The following CSE1L variants were observed in gnomAD, a reference collection of about 807,000 sequenced individuals.
CSE1L encodes exportin-2.
CSE1L carries 24 observed loss-of-function variants against 120.4 expected under a neutral mutation model. That is an observed-to-expected ratio of 0.20 (90% CI 0.14 to 0.28). The LOEUF (loss-of-function observed/expected upper bound fraction) is 0.28, where lower values mean the gene tolerates loss of function less well. Among genes scored for constraint, CSE1L ranks in the 10% least tolerant of loss-of-function variants. The pLI, the probability that CSE1L is intolerant of heterozygous loss-of-function variation, is 1.00. For missense variants in CSE1L, 830 were observed against 1,145.2 expected, an observed-to-expected ratio of 0.72 and a Z score of 3.97; for synonymous variants, 402 against 398.3, an observed-to-expected ratio of 1.01 and a Z score of -0.11.
In CSE1L at chr20:49,058,475, C is replaced by G; in HGVS notation, c.12C>G (p.Ser4Arg). Residue 4 changes from serine (S) to arginine (R), a missense_variant, in exon 2 of 25, where the codon AGC (serine) becomes AGG (arginine). Ser to Arg is a moderately radical substitution (Grantham distance 110, BLOSUM62 -1). Coordinates refer to ENST00000262982, the MANE Select transcript of CSE1L (RefSeq NM_001316.4). ...TAGATCCTATAGCAATGGAACTCAG[C>G]GATGCAAATCTGCAAACACTAACAG... The part of the protein sequence containing the change: MEL[S>R]DANLQTLTEY... The G allele has an allele frequency of 6.2e-7, 1 of 1,612,486 alleles. No individual in the cohort carries two copies. The highest frequency in any genetic ancestry group is 1.3e-5 in the African/African-American group (1 of 74,978).
intron 22 of CSE1L, among the ~76,000 whole-genome samples, chr20:49,092,927 A>C (rs1282619210): frequency 6.6e-6 from 1 of 152,234 alleles, no homozygotes; most frequent in Non-Finnish European, 1.5e-5. Flanking sequence ...AGAATTTTTC[A>C]AATGAGAAAT....
intron 1 of CSE1L, among the ~76,000 whole-genome samples, chr20:49,048,562 G>C (rs1038846720): frequency 3.9e-5 from 6 of 152,148 alleles, no homozygotes; most frequent in African/African-American, 7.2e-5. Flanking sequence ...GCCATTAAAA[G>C]GTGAGGGGCA....
Position 49,072,420 on chromosome 20 carries a change from A to G in CSE1L, c.903A>G (p.Leu301=), listed in dbSNP as rs61748374. 7.5e-3 allele frequency: 12,168 copies of G among 1,614,214 alleles called. 63 individuals carry two copies. The highest frequency in any genetic ancestry group is 7.9e-3 in the Non-Finnish European group (9,280 of 1,180,038). The change falls in exon 9 of 25, where the codon CTA becomes CTG. Residue 301 remains leucine (L), a synonymous_variant. Transcript: ENST00000262982. ...TTGTTACAGCCATCTGGAATTTACTAGTTACAACGGGTCAAGAGGTTAAAT... is the reference window on the plus strand; with the variant it reads ...TTGTTACAGCCATCTGGAATTTACTGGTTACAACGGGTCAAGAGGTTAAAT... The part of the protein sequence containing the change: ...PRFVTAIWNL[L]VTTGQEVKYD...
At chr20:49,090,118 C>T (rs907960691) in intron 19 of CSE1L, among the ~76,000 whole-genome samples, 4 of 151,772 alleles carry the variant, frequency 2.6e-5, no homozygotes, top group Admixed American at 2.0e-4. Flanking sequence ...GAGCTAGACC[C>T]TGTCTCTTAA....
At chr20:49,057,454 CTT>C (rs535693108) in intron 1 of CSE1L, among the ~76,000 whole-genome samples, 35 of 112,714 alleles carry the variant, frequency 3.1e-4, no homozygotes, top group Admixed American at 5.6e-4. Context: ...GTTGTGGGGC[CTT>C]TTTTTTTTTT....
chr20:49,068,788 T>A lies in CSE1L; in HGVS notation c.641T>A (p.Leu214Gln), dbSNP rs770880230. 11 of 1,612,970 alleles carry A rather than the reference T, an allele frequency of 6.8e-6. No homozygotes were observed. The South Asian group carries it at 1.2e-4, about 18-fold the overall frequency. ...ALRILFSSLI[L>Q]ISKLFYSLNF... ...AGGATTCTGTTTTCTTCCCTGATCC[T>A]GATCTCAAAATTGTTCTATAGTTTA... Residue 214 changes from leucine (L) to glutamine (Q), a missense_variant, in exon 7 of 25, where the codon CTG becomes CAG. Leu to Gln is a moderately radical substitution (Grantham distance 113, BLOSUM62 -2). Coordinates refer to ENST00000262982, the MANE Select transcript of CSE1L (RefSeq NM_001316.4).
At chr20:49,089,443 A>G in intron 18 of CSE1L, 46 bp downstream of exon 18, 1 of 1,606,550 alleles carries the variant, frequency 6.2e-7, no homozygotes, top group African/African-American at 1.3e-5. Flanking sequence ...TAAAATTAAC[A>G]TGGCTATAAA....
intron 3 of CSE1L, 27 bp from the exon 4 acceptor site, chr20:49,066,165 C>T: frequency 2.5e-6 from 4 of 1,581,570 alleles, no homozygotes; most frequent in South Asian, 1.1e-5. Context: ...TTTTGTGTTA[C>T]TTCCTCAGTT....
At chr20:49,090,264 GAACTT>G (rs2092090644) in intron 19 of CSE1L, among the ~76,000 whole-genome samples, 1 of 152,252 alleles carries the variant, frequency 6.6e-6, no homozygotes, top group Admixed American at 6.5e-5. Context: ...TTGATTTTAA[GAACTT>G]AACTTTGGTC....
At chr20:49,046,513 A>T (rs1448247039) in intron 1 of CSE1L, 90 bp downstream of exon 1, 1 of 152,394 alleles carries the variant, frequency 6.6e-6, no homozygotes, top group Non-Finnish European at 1.5e-5. Flanking sequence ...AACGAGCGCT[A>T]GGGAGTGAGA....
chr20:49,072,400 A>G lies in CSE1L; in HGVS notation c.883A>G (p.Thr295Ala). ...CCAGCGATACCTGCCTCGTTTTGTT[A>G]CAGCCATCTGGAATTTACTAGTTAC... ...EFQRYLPRFV[T>A]AIWNLLVTTG... The change falls in exon 9 of 25, where the codon ACA becomes GCA. Residue 295 changes from threonine (T) to alanine (A), a missense_variant. This residue lies in a region of CSE1L where 543 missense variants were observed against 640.2 expected (regional missense o/e 0.85). Coordinates refer to ENST00000262982, the MANE Select transcript of CSE1L (RefSeq NM_001316.4). The G allele has an allele frequency of 3.1e-6, 5 of 1,614,222 alleles. No homozygotes were observed. In the South Asian group the frequency reaches 4.4e-5, roughly 14 times the overall value.
rs963788829 is a variant in CSE1L, at chr20:49,084,032, A to G, written c.1489A>G (p.Lys497Glu). The change falls in exon 15 of 25, where the codon AAA (lysine) becomes GAA (glutamate). Residue 497 changes from lysine (K) to glutamate (E), a missense_variant. Coordinates refer to ENST00000262982, the MANE Select transcript of CSE1L (RefSeq NM_001316.4). Reference protein sequence around the residue: ...YIMIFRNQVPKEHLLVSIPLL... With the variant: ...YIMIFRNQVPEEHLLVSIPLL... ...ATATTATTGTGTTTTTTAGGTGCCA[A>G]AAGAACATCTTTTAGTCTCGATTCC... 79 of 1,613,396 alleles carry G rather than the reference A, an allele frequency of 4.9e-5. No homozygotes were observed. Among genetic ancestry groups the G allele is most frequent in the Non-Finnish European group, 5.9e-5 (70 of 1,179,582 alleles).
intron 24 of CSE1L, chr20:49,095,231 GTTGCATT>G: frequency 2.0e-6 from 1 of 499,536 alleles, no homozygotes; most frequent in Non-Finnish European, 3.6e-6. Flanking sequence ...AGGCTGTATA[GTTGCATT>G]TTGTCAGCAC....
At chr20:49,084,223 G>C in intron 15 of CSE1L, 61 bp downstream of exon 15, 4 of 1,463,000 alleles carry the variant, frequency 2.7e-6, no homozygotes, top group Non-Finnish European at 3.7e-6. Flanking sequence ...GCTGGTCAAA[G>C]ATATCTGAAT....
intron 3 of CSE1L, among the ~76,000 whole-genome samples, chr20:49,064,654 A>G (rs1215904879): frequency 6.6e-6 from 1 of 152,120 alleles, no homozygotes; most frequent in Non-Finnish European, 1.5e-5. Context: ...CAGAGGTTGC[A>G]ATGAACTGAG....
chr20:49,086,319 A>G (rs1244948354), intron 16 of CSE1L, among the ~76,000 whole-genome samples: 1 of 150,798 alleles, frequency 6.6e-6, no homozygotes, highest in African/African-American at 2.4e-5. Flanking sequence ...CCTTCCCCCA[A>G]CAATGATGTA....
chr20:49,075,951 C>G (rs946433250), intron 12 of CSE1L, among the ~76,000 whole-genome samples: 1 of 152,046 alleles, frequency 6.6e-6, no homozygotes, highest in Non-Finnish European at 1.5e-5. Flanking sequence ...CCTGCCTCAG[C>G]GTCCCAAGTA....
In CSE1L at chr20:49,087,351, C is replaced by CTTTT. The variant is rs11483071; in HGVS notation, c.1724-643_1724-640dup. ...CTGATGCTGGTTTCTTTTTCTTTTT[C>CTTTT]TTTTTTTTTTTTTTTTTTGAGAGAG... On this transcript the variant is annotated intron_variant, in intron 16 of 24. Coordinates refer to ENST00000262982, the MANE Select transcript of CSE1L (RefSeq NM_001316.4). 2.1e-4 allele frequency among the ~76,000 whole-genome samples: 24 copies of CTTTT among 116,294 alleles called. 1 individual carries two copies. The highest frequency in any genetic ancestry group is 6.3e-4 in the African/African-American group (19 of 30,290). 76.3% of individuals were successfully genotyped at this position (116,294 alleles called of 152,430 possible). A position where few individuals can be genotyped will look rare whatever the true frequency, so the allele number is the denominator to read the frequency against.
At chr20:49,074,569 G>A (rs1031646297) in intron 10 of CSE1L, among the ~76,000 whole-genome samples, 2 of 152,146 alleles carry the variant, frequency 1.3e-5, no homozygotes, top group Admixed American at 1.3e-4. Flanking sequence ...GAACAAGTGA[G>A]CCTATCTCAT....
Sources: allele counts gnomAD v4.1 joint callset (sites outside exome capture counted in the v4.1 genomes callset), GRCh38; gene constraint gnomAD v4.1.1; regional missense constraint gnomAD v4.1.1; transcripts MANE v1.5; gene names NCBI Gene and HGNC (gene_info 2026-07-23, HGNC 2026-07-21).